The following AGAP1 variants were observed in gnomAD, a reference collection of about 807,000 sequenced individuals.
AGAP1 encodes arf-GAP with GTPase, ANK repeat and PH domain-containing protein 1.
AGAP1 carries 29 observed loss-of-function variants against 105.3 expected under a neutral mutation model. The observed-to-expected ratio is 0.28, with a 90% CI of 0.21 to 0.38. The LOEUF (loss-of-function observed/expected upper bound fraction) is 0.38, where lower values mean the gene tolerates loss of function less well. Among genes scored for constraint, AGAP1 ranks in the 10% least tolerant of loss-of-function variants. The probability of loss-of-function intolerance (pLI) is 1.00; values close to 1 mark genes in which losing one functional copy is unlikely to be tolerated. For synonymous variants in AGAP1, 509 were observed against 485.9 expected (o/e 1.05, Z -0.63); for missense variants, 998 against 1,165.1 (o/e 0.86, Z 2.09).
intron 8 of AGAP1, among the ~76,000 whole-genome samples, chr2:235,806,727 A>G (rs1006652486): frequency 3.3e-5 from 5 of 152,342 alleles, no homozygotes; most frequent in Middle Eastern, 3.4e-3. Flanking sequence ...CCAACCATCC[A>G]GAAGCAAAAA....
In AGAP1 at chr2:235,690,744, A is replaced by G. The variant is rs920467943; in HGVS notation, c.164-18435A>G. Among the ~76,000 whole-genome samples, 1 of 152,176 alleles carries G rather than the reference A, an allele frequency of 6.6e-6. No homozygotes were observed. On this transcript the variant is annotated intron_variant, in intron 1 of 17. Coordinates refer to ENST00000304032, the MANE Select transcript of AGAP1 (RefSeq NM_001037131.3). This position sits in a 1 kb window ranked among gnomAD's most constrained non-coding sequence, Gnocchi z 4.1. ...AGACACCTGTCTGCTTGGGGCAGGT[A>G]TACTGACTTTTTGTTGCTTTTACGG...
In AGAP1 at chr2:236,076,060, C is replaced by T. The variant is rs115397186; in HGVS notation, c.2114+26779C>T. ...CTGCTCCTCACCAAGGCCCAAGACC[C>T]GTGCTGTCATAACAGTCCTCCTTCA... On this transcript the variant is annotated intron_variant, in intron 16 of 17. Coordinates refer to ENST00000304032, the MANE Select transcript of AGAP1 (RefSeq NM_001037131.3). This position sits in a 1 kb window ranked among gnomAD's most constrained non-coding sequence, Gnocchi z 4.4. Among the ~76,000 whole-genome samples, 2,238 of 152,306 alleles carry T rather than the reference C, an allele frequency of 0.015. 20 individuals carry two copies. The highest frequency in any genetic ancestry group is 0.022 in the Non-Finnish European group (1,521 of 68,026).
chr2:235,670,292 G>C, intron 1 of AGAP1: 1 of 442,420 alleles, frequency 2.3e-6, no homozygotes, highest in Non-Finnish European at 3.9e-6. Context: ...CTCCCCGGAC[G>C]CGCCCGGGAG....
intron 16 of AGAP1, among the ~76,000 whole-genome samples, chr2:236,077,775 T>C (rs917359045): frequency 5.3e-5 from 8 of 152,332 alleles, no homozygotes; most frequent in Non-Finnish European, 8.8e-5. Context: ...TTATGGGGCT[T>C]ATGATTAATT....
rs1957885393 is a variant in AGAP1 at position 235,807,271 on chromosome 2, G to A, written c.990G>A (p.Lys330=). The A allele has an allele frequency of 1.2e-6, 2 of 1,607,900 alleles. No homozygotes were observed. The highest frequency in any genetic ancestry group is 3.5e-5 in the Admixed American group (2 of 57,918). ...SRKGSDPDKE[K]KGLESRADSI... ...AAGGGAGCGACCCAGACAAAGAGAAGAAAGGCCTGGAGAGTCGTGCGGACA... is the reference window on the plus strand; with the variant it reads ...AAGGGAGCGACCCAGACAAAGAGAAAAAAGGCCTGGAGAGTCGTGCGGACA... Residue 330 remains lysine, a synonymous_variant, in exon 9 of 18, where the codon AAG becomes AAA. Transcript: ENST00000304032.
chr2:235,909,452 GA>G (rs1208625939), intron 11 of AGAP1, among the ~76,000 whole-genome samples: 1 of 152,048 alleles, frequency 6.6e-6, no homozygotes. Context: ...CTCAAATGTT[GA>G]TGTGTTTAGA....
At chr2:235,838,794 C>T (rs1210222939) in intron 9 of AGAP1, among the ~76,000 whole-genome samples, 1 of 152,280 alleles carries the variant, frequency 6.6e-6, no homozygotes, top group South Asian at 2.1e-4. Flanking sequence ...GTATTTTCTA[C>T]AGATGACATT....
In AGAP1 at chr2:235,970,811, C is replaced by T. The variant is rs887256562; in HGVS notation, c.1645+2188C>T. Among the ~76,000 whole-genome samples the T allele has an allele frequency of 6.6e-5, 10 of 152,216 alleles. No homozygotes were observed. The highest frequency in any genetic ancestry group is 2.4e-4 in the African/African-American group (10 of 41,454). ...GAAGTTTGACAAGTGACCGTGACCA[C>T]GTTGGACGCCTGATGTTTCAGGTCC... is the stretch of plus-strand genomic sequence containing the variant. On this transcript the variant is annotated intron_variant, in intron 13 of 17. Transcript: ENST00000304032. The surrounding 1 kb of genome is among the most constrained non-coding windows in gnomAD (Gnocchi z 5.4).
intron 13 of AGAP1, among the ~76,000 whole-genome samples, chr2:236,032,240 G>T (rs1397521092): frequency 6.6e-6 from 1 of 152,142 alleles, no homozygotes; most frequent in Non-Finnish European, 1.5e-5. Flanking sequence ...ATTGAATGAG[G>T]CAAGACAGAG....
In AGAP1 at chr2:235,930,104, C is replaced by G. The variant is rs2052648994; in HGVS notation, c.1325-661C>G. Among the ~76,000 whole-genome samples the G allele has an allele frequency of 6.6e-6, 1 of 152,156 alleles. No homozygotes were observed. The highest frequency in any genetic ancestry group is 2.4e-5 in the African/African-American group (1 of 41,430). On this transcript the variant is annotated intron_variant, in intron 11 of 17. Transcript: ENST00000304032. The surrounding 1 kb of genome is among the most constrained non-coding windows in gnomAD (Gnocchi z 7.9). Reference sequence around the variant, plus strand: ...GATAATAATTCATTTTGATGTTGAGCAACTGATTCAAATCATTAAGTATAC... The same window carrying G: ...GATAATAATTCATTTTGATGTTGAGGAACTGATTCAAATCATTAAGTATAC...
chr2:236,015,116 G>A (rs189433723), intron 13 of AGAP1, among the ~76,000 whole-genome samples: 24 of 152,184 alleles, frequency 1.6e-4, no homozygotes, highest in African/African-American at 4.6e-4. Flanking sequence ...CCCTTCAGTC[G>A]TAGAGTAGTG....
chr2:235,844,398 A>G (rs1961227465), intron 9 of AGAP1, among the ~76,000 whole-genome samples: 7 of 152,158 alleles, frequency 4.6e-5, no homozygotes, highest in Admixed American at 4.6e-4. Flanking sequence ...GTGTTCCCGG[A>G]TGGTCCTGGT....
intron 10 of AGAP1, among the ~76,000 whole-genome samples, chr2:235,903,343 A>C (rs2051153288): frequency 6.6e-6 from 1 of 152,164 alleles, no homozygotes. Context: ...AAGAAAGTTG[A>C]GCTTAAGCAC....
In AGAP1 at chr2:235,702,934, G is replaced by GTTTTTTTTTTTTT. The variant is rs549844265; in HGVS notation, c.164-6233_164-6232insTTTTTTTTTTTTT. ...TGGTCACTGTGAGCCAGTTTTCTTG[G>GTTTTTTTTTTTTT]TTTTTTTTTTTTGGACAGAGTCTGG... On this transcript the variant is annotated intron_variant, in intron 1 of 17. Coordinates refer to ENST00000304032, the MANE Select transcript of AGAP1 (RefSeq NM_001037131.3). Among the ~76,000 whole-genome samples, 673 of 88,818 alleles carry GTTTTTTTTTTTTT rather than the reference G, an allele frequency of 7.6e-3. 43 individuals are homozygous for GTTTTTTTTTTTTT. Among genetic ancestry groups the GTTTTTTTTTTTTT allele is most frequent in the African/African-American group, 0.023 (605 of 26,782 alleles). The allele number at this position is 88,818 out of a possible 152,430, so 58.3% of individuals were successfully genotyped here.
Position 236,104,443 on chromosome 2 carries a change from G to A in AGAP1, c.2115-15749G>A, listed in dbSNP as rs956549777. Among the ~76,000 whole-genome samples the A allele has an allele frequency of 3.3e-5, 5 of 152,192 alleles. No homozygotes were observed. Among genetic ancestry groups the A allele is most frequent in the Non-Finnish European group, 5.9e-5 (4 of 68,036 alleles). On this transcript the variant is annotated intron_variant, in intron 16 of 17. Coordinates refer to ENST00000304032, the MANE Select transcript of AGAP1 (RefSeq NM_001037131.3). The surrounding 1 kb of genome is among the most constrained non-coding windows in gnomAD (Gnocchi z 4.7). ...CCAACAGGGGTGGATCCTGCCCCTC[G>A]ACCAGCACCTGTGCTGTCTGCCCCT...
At chr2:235,918,428 A>G (rs368406985) in intron 11 of AGAP1, among the ~76,000 whole-genome samples, 15 of 152,340 alleles carry the variant, frequency 9.8e-5, no homozygotes, top group African/African-American at 3.6e-4. Context: ...GACATCAGAA[A>G]GTTAGCTAAA....
chr2:235,885,507 G>A (rs2050234868), intron 10 of AGAP1, among the ~76,000 whole-genome samples: 1 of 152,188 alleles, frequency 6.6e-6, no homozygotes. Flanking sequence ...AGTCGCATGT[G>A]CTTTCATGGT....
rs10168934 is a variant in AGAP1 at position 235,736,331 on chromosome 2, A to C, written c.311-4632A>C. Among the ~76,000 whole-genome samples the C allele has an allele frequency of 0.012, 1,867 of 152,128 alleles. 47 individuals are homozygous for C. The highest frequency in any genetic ancestry group is 0.043 in the African/African-American group (1,779 of 41,508). ...GGACATCAGGTTTGGGGAGACTGAAAACCATTTTTGAAAATGAAGTTATGC... is the reference window on the plus strand; with the variant it reads ...GGACATCAGGTTTGGGGAGACTGAACACCATTTTTGAAAATGAAGTTATGC... On this transcript the variant is annotated intron_variant, in intron 3 of 17. Coordinates refer to ENST00000304032, the MANE Select transcript of AGAP1 (RefSeq NM_001037131.3). The surrounding 1 kb of genome is among the most constrained non-coding windows in gnomAD (Gnocchi z 5.5).
intron 12 of AGAP1, among the ~76,000 whole-genome samples, chr2:235,944,612 A>G (rs2053407198): frequency 6.6e-6 from 1 of 152,216 alleles, no homozygotes; most frequent in South Asian, 2.1e-4. Flanking sequence ...CAGAAACTGA[A>G]ATAAGTATCT....
Sources: allele counts gnomAD v4.1 joint callset (sites outside exome capture counted in the v4.1 genomes callset), GRCh38; gene constraint gnomAD v4.1.1; non-coding constraint Gnocchi (gnomAD v3.1); transcripts MANE v1.5; gene names NCBI Gene and HGNC (gene_info 2026-07-23, HGNC 2026-07-21).